TANGO2: variants seen among roughly 807,000 people sequenced by gnomAD.
TANGO2 encodes transport and Golgi organization protein 2 homolog.
A neutral mutation model predicts 39.1 loss-of-function variants in TANGO2; 26 were observed. The observed-to-expected ratio is 0.67, with a 90% CI of 0.49 to 0.92. The LOEUF is 0.92. Ranked by LOEUF, TANGO2 falls within the 40% of genes least tolerant of loss-of-function variation. The pLI is 0.00. For synonymous variants in TANGO2, 131 were observed against 144.5 expected (o/e 0.91, Z 0.67); for missense variants, 326 against 360.1 (o/e 0.91, Z 0.77).
At chr22:20,046,385 T>G (rs1247013136) in intron 3 of TANGO2, among the ~76,000 whole-genome samples, 1 of 151,972 alleles carries the variant, frequency 6.6e-6, no homozygotes, top group African/African-American at 2.4e-5. Flanking sequence ...TGGCCTGAAG[T>G]GACCCTCCTT....
intron 1 of TANGO2, among the ~76,000 whole-genome samples, chr22:20,034,500 T>C (rs754640021): frequency 3.3e-5 from 5 of 152,248 alleles, no homozygotes; most frequent in Non-Finnish European, 4.4e-5. Context: ...ACAGGGGCAC[T>C]ACGAGTGCTG....
chr22:20,060,308 C>A (rs2048134452), intron 6 of TANGO2, among the ~76,000 whole-genome samples: 1 of 146,186 alleles, frequency 6.8e-6, no homozygotes, highest in Admixed American at 7.0e-5. Context: ...GAGATTGCGC[C>A]ACCGCACTCC....
At chr22:20,052,945 A>G (rs186694596) in intron 4 of TANGO2, among the ~76,000 whole-genome samples, 61 of 152,172 alleles carry the variant, frequency 4.0e-4, no homozygotes, top group Non-Finnish European at 8.1e-4. Flanking sequence ...AAGAGTGAGG[A>G]GGGGAGCATC....
intron 1 of TANGO2, among the ~76,000 whole-genome samples, chr22:20,023,766 G>A (rs1373004576): frequency 6.6e-6 from 1 of 151,980 alleles, no homozygotes; most frequent in African/African-American, 2.4e-5. Context: ...GCTGAGGCAG[G>A]AGAATGGCGT....
At chr22:20,052,802 C>T (rs756790017) in intron 4 of TANGO2, among the ~76,000 whole-genome samples, 2 of 151,934 alleles carry the variant, frequency 1.3e-5, no homozygotes, top group Non-Finnish European at 2.9e-5. Context: ...GGTGACAAAG[C>T]GTGGCAGGGC....
At chr22:20,039,432 C>T (rs2043486242) in intron 2 of TANGO2, among the ~76,000 whole-genome samples, 1 of 151,224 alleles carries the variant, frequency 6.6e-6, no homozygotes, top group Admixed American at 6.6e-5. Context: ...AGTTCGAGAC[C>T]AGCCTGGCCA....
chr22:20,017,146 C>T (rs899045915), upstream of TANGO2: 26 of 152,406 alleles, frequency 1.7e-4, no homozygotes, highest in African/African-American at 6.3e-4. Flanking sequence ...GGCGCCCCTT[C>T]CCCGGACTCT....
At chr22:20,049,154 T>A (rs1446373583) in intron 3 of TANGO2, among the ~76,000 whole-genome samples, 1 of 152,208 alleles carries the variant, frequency 6.6e-6, no homozygotes. Context: ...GGTTGAGATT[T>A]ACTGCCTCCA....
Position 20,057,031 on chromosome 22 carries a change from A to G in TANGO2, c.451+1018A>G, listed in dbSNP as rs985127629. The G allele has an allele frequency of 9.0e-6, 4 of 445,320 alleles. No homozygotes were observed. Among genetic ancestry groups the G allele is most frequent in the African/African-American group, 8.1e-5 (4 of 49,624 alleles). 27.6% of individuals were successfully genotyped at this position (445,320 alleles called of 1,614,324 possible). A position where few individuals can be genotyped will look rare whatever the true frequency, so the allele number is the denominator to read the frequency against. ...TCCTCTGAAGCTCCATGCCCACGTC[A>G]CACAGACTTTCTTTTGCATTTGGCA... On this transcript the variant is annotated intron_variant, in intron 6 of 8. Transcript: ENST00000327374. This position sits in a 1 kb window ranked among gnomAD's most constrained non-coding sequence, Gnocchi z 4.1.
At chr22:20,047,074 C>T (rs765819831) in intron 3 of TANGO2, among the ~76,000 whole-genome samples, 8 of 152,164 alleles carry the variant, frequency 5.3e-5, no homozygotes, top group African/African-American at 1.7e-4. Context: ...GGAGGCGCCA[C>T]GCTCTTTTAA....
At chr22:20,028,749 C>G (rs368643036) in intron 1 of TANGO2, among the ~76,000 whole-genome samples, 15 of 152,334 alleles carry the variant, frequency 9.8e-5, no homozygotes, top group African/African-American at 3.6e-4. Flanking sequence ...CTGGGACATG[C>G]AGGAGGGTGG....
chr22:20,032,569 C>T (rs1245091218), intron 1 of TANGO2, among the ~76,000 whole-genome samples: 3 of 152,250 alleles, frequency 2.0e-5, no homozygotes, highest in Non-Finnish European at 2.9e-5. Context: ...ACCACTCTGG[C>T]CTTCTTGGAC....
intron 1 of TANGO2, among the ~76,000 whole-genome samples, chr22:20,027,632 G>T (rs1191460503): frequency 1.3e-5 from 2 of 151,886 alleles, no homozygotes; most frequent in Non-Finnish European, 2.9e-5. Context: ...TTGAGACTCA[G>T]AGTCTTGCCT....
chr22:20,024,767 C>G (rs920165316), intron 1 of TANGO2, among the ~76,000 whole-genome samples: 1 of 152,196 alleles, frequency 6.6e-6, no homozygotes, highest in African/African-American at 2.4e-5. Context: ...GCACACATCC[C>G]CTCTGCCCAT....
At position 20,066,284 on chromosome 22, in the gene TANGO2, C is replaced by T. The variant is rs1568939277; in HGVS notation, c.*1622C>T. ...GAGCAGGTCTGCATCTGTCTCAGCC[C>T]CAGGAGCTCCTGGTTTGGGGCCAGC... On this transcript the variant is annotated 3_prime_UTR_variant, in exon 9 of 9. Transcript: ENST00000327374. 6.6e-6 allele frequency: 1 copy of T among 152,298 alleles called. No individual in the cohort carries two copies. Among genetic ancestry groups the T allele is most frequent in the Admixed American group, 6.5e-5 (1 of 15,280 alleles). The allele number at this position is 152,298 out of a possible 1,614,324, so 9.4% of individuals were successfully genotyped here. A position where few individuals can be genotyped will look rare whatever the true frequency, so the allele number is the denominator to read the frequency against.
At chr22:20,032,227 C>T (rs890998163) in intron 1 of TANGO2, among the ~76,000 whole-genome samples, 12 of 152,258 alleles carry the variant, frequency 7.9e-5, no homozygotes, top group Non-Finnish European at 1.6e-4. Flanking sequence ...TCCCGGTGGC[C>T]GTGAGGCCAG....
At chr22:20,034,899 T>C (rs2042566860) in intron 1 of TANGO2, among the ~76,000 whole-genome samples, 1 of 152,260 alleles carries the variant, frequency 6.6e-6, no homozygotes, top group Non-Finnish European at 1.5e-5. Context: ...CTGCATGAGC[T>C]CATCAGCTCC....
Position 20,053,542 on chromosome 22 carries a change from C to T in TANGO2, c.371C>T (p.Ala124Val). The T allele has an allele frequency of 6.2e-7, 1 of 1,611,276 alleles. No homozygotes were observed. Among genetic ancestry groups the T allele is most frequent in the Non-Finnish European group, 8.5e-7 (1 of 1,177,440 alleles). The change falls in exon 5 of 9, where the codon GCC becomes GTC. Residue 124 changes from alanine to valine, a missense_variant. Transcript: ENST00000327374. ...HLYNGFNLIA[A>V]DLSTAKGDVI... ...TACAATGGCTTCAACCTCATAGCAGCCGACCTGAGGTGGGTCTGCCAGAGG... is the reference window on the plus strand; with the variant it reads ...TACAATGGCTTCAACCTCATAGCAGTCGACCTGAGGTGGGTCTGCCAGAGG...
chr22:20,030,227 G>A (rs985663829), intron 1 of TANGO2, among the ~76,000 whole-genome samples: 3 of 151,026 alleles, frequency 2.0e-5, no homozygotes, highest in Middle Eastern at 3.4e-3. Flanking sequence ...GAGTGCAATG[G>A]CACGATCTCG....
Sources: allele counts gnomAD v4.1 joint callset (sites outside exome capture counted in the v4.1 genomes callset), GRCh38; gene constraint gnomAD v4.1.1; non-coding constraint Gnocchi (gnomAD v3.1); transcripts MANE v1.5; gene names NCBI Gene and HGNC (gene_info 2026-07-23, HGNC 2026-07-21).